The following USP8 variants were observed in gnomAD, a reference collection of about 807,000 sequenced individuals.
The protein encoded by USP8 is ubiquitin carboxyl-terminal hydrolase 8.
Under a neutral mutation model 130.0 loss-of-function variants are expected in USP8, and 27 were observed. That is an observed-to-expected ratio of 0.21 (90% CI 0.15 to 0.29). The LOEUF is 0.29. Ranked by LOEUF, USP8 falls within the 10% of genes least tolerant of loss-of-function variation. The probability of loss-of-function intolerance (pLI) is 1.00; values close to 1 mark genes in which losing one functional copy is unlikely to be tolerated. For synonymous variants in USP8, 392 were observed against 444.1 expected (o/e 0.88, Z 1.48); for missense variants, 1,029 against 1,312.2 (o/e 0.78, Z 3.33).
At chr15:50,424,756 G>A (rs2049646974) in intron 1 of USP8, 1 of 354,844 alleles carries the variant, frequency 2.8e-6, no homozygotes, top group Admixed American at 4.7e-5. Context: ...GTTTTAAAAG[G>A]TGGCTTTGAC....
rs756442147 is a variant in USP8, at chr15:50,476,896, A to T, written c.897A>T (p.Gly299=). 1 of 1,603,552 alleles carries T rather than the reference A, an allele frequency of 6.2e-7. No homozygotes were observed. Among genetic ancestry groups the T allele is most frequent in the Non-Finnish European group, 8.5e-7 (1 of 1,178,290 alleles). Residue 299 remains glycine, a synonymous_variant, in exon 9 of 20, where the codon GGA becomes GGT. Transcript: ENST00000307179. ...GCAATGAGCCTTTGGTTTTAGAGGG[A>T]GGCTATGAAAACTGGCTCCTTTGTT... ...VLRNEPLVLE[G]GYENWLLCYP...
intron 1 of USP8, among the ~76,000 whole-genome samples, chr15:50,424,839 T>C (rs1010178332): frequency 4.0e-5 from 6 of 150,688 alleles, no homozygotes; most frequent in South Asian, 2.1e-4. Context: ...TTTTTTTTTT[T>C]CTGCAATCTG....
chr15:50,455,322 C>G (rs1379606633), intron 4 of USP8, among the ~76,000 whole-genome samples: 1 of 151,386 alleles, frequency 6.6e-6, no homozygotes, highest in East Asian at 2.0e-4. Flanking sequence ...AAGCAGTCCT[C>G]CTACCAGGGC....
At chr15:50,438,630 G>T in intron 1 of USP8, among the ~76,000 whole-genome samples, 1 of 151,894 alleles carries the variant, frequency 6.6e-6, no homozygotes. Flanking sequence ...AAAAATAAAT[G>T]GATATCAATG....
At position 50,482,148 on chromosome 15, in the gene USP8, A is replaced by G. The variant is rs983783019; in HGVS notation, c.1803+83A>G. On this transcript the variant is annotated intron_variant, in intron 11 of 19. Coordinates refer to ENST00000307179, the MANE Select transcript of USP8 (RefSeq NM_005154.5). ...GAAAACACCAGTGGCATTCCATAAA[A>G]GGGCAGGCATTTCAAATAGTCTTTT... is the stretch of plus-strand genomic sequence containing the variant. The G allele has an allele frequency of 7.8e-6, 10 of 1,281,874 alleles. No homozygotes were observed. The African/African-American group carries it at 1.5e-4, about 20-fold the overall frequency. 79.4% of individuals were successfully genotyped at this position (1,281,874 alleles called of 1,614,324 possible). A position where few individuals can be genotyped will look rare whatever the true frequency, so the allele number is the denominator to read the frequency against.
chr15:50,467,646 C>T (rs1438631555), intron 7 of USP8, among the ~76,000 whole-genome samples: 3 of 152,036 alleles, frequency 2.0e-5, no homozygotes, highest in African/African-American at 7.2e-5. Flanking sequence ...GCCTTGACCT[C>T]CTGGGTTTAG....
chr15:50,450,357 G>T lies in USP8; in HGVS notation c.335+872G>T, dbSNP rs533129229. On this transcript the variant is annotated intron_variant, in intron 4 of 19. Coordinates refer to ENST00000307179, the MANE Select transcript of USP8 (RefSeq NM_005154.5). ...TTAGTTACAGAAGTTATTTAAATTT[G>T]GAAAAAAAAACTGATTCTGGTATTT... is the stretch of plus-strand genomic sequence containing the variant. Among the ~76,000 whole-genome samples, 16 of 149,994 alleles carry T rather than the reference G, an allele frequency of 1.1e-4. 1 individual carries two copies. The Middle Eastern group carries it at 0.014, about 131-fold the overall frequency.
intron 12 of USP8, among the ~76,000 whole-genome samples, chr15:50,487,211 G>A (rs190917816): frequency 2.0e-5 from 3 of 151,570 alleles, no homozygotes; most frequent in Admixed American, 1.3e-4. Flanking sequence ...AAAAAAACAC[G>A]TTTTATTAAA....
chr15:50,443,271 C>T (rs967240685), intron 3 of USP8, among the ~76,000 whole-genome samples: 1 of 152,028 alleles, frequency 6.6e-6, no homozygotes, highest in African/African-American at 2.4e-5. Flanking sequence ...GAACTCCTGA[C>T]CTTGTGATCC....
At chr15:50,462,412 T>G (rs1217294090) in intron 6 of USP8, 90 bp downstream of exon 6, 1 of 1,153,304 alleles carries the variant, frequency 8.7e-7, no homozygotes, top group African/African-American at 1.6e-5. Context: ...AATGAGATTC[T>G]TAGCATTGTT....
At position 50,505,843 on chromosome 15, in the gene USP8, G is replaced by A. The variant is rs1438237722; in HGVS notation, c.*6755G>A. The A allele has an allele frequency of 6.6e-6, 1 of 152,324 alleles. No individual in the cohort carries two copies. Among genetic ancestry groups the A allele is most frequent in the Non-Finnish European group, 1.5e-5 (1 of 68,158 alleles). 9.4% of individuals were successfully genotyped at this position (152,324 alleles called of 1,614,324 possible). A position where few individuals can be genotyped will look rare whatever the true frequency, so the allele number is the denominator to read the frequency against. ...GCACAGTAGCATGCCTGTAGTCCCA[G>A]CTACTTGGCAGGCAGAGGCAGGAGG... On this transcript the variant is annotated 3_prime_UTR_variant, in exon 20 of 20. Coordinates refer to ENST00000307179, the MANE Select transcript of USP8 (RefSeq NM_005154.5).
intron 1 of USP8, among the ~76,000 whole-genome samples, chr15:50,437,768 T>C (rs1467426625): frequency 1.3e-5 from 2 of 152,264 alleles, no homozygotes; most frequent in East Asian, 3.8e-4. Flanking sequence ...TAGAAGGACA[T>C]ATTTGATATC....
At chr15:50,445,802 A>G (rs913413865) in intron 3 of USP8, among the ~76,000 whole-genome samples, 37 of 151,282 alleles carry the variant, frequency 2.4e-4, no homozygotes, top group African/African-American at 8.5e-4. Context: ...GGTTGCAGTG[A>G]GCTGAGATTG....
At chr15:50,479,666 A>G (rs911910162) in intron 10 of USP8, among the ~76,000 whole-genome samples, 1 of 152,128 alleles carries the variant, frequency 6.6e-6, no homozygotes, top group African/African-American at 2.4e-5. Flanking sequence ...TCTCAAATAC[A>G]TGCAAAAAAA....
rs1487081071 is a variant in USP8 at position 50,495,864 on chromosome 15, G to C, written c.2675G>C (p.Arg892Thr). 6.2e-7 allele frequency: 1 copy of C among 1,613,110 alleles called. No individual in the cohort carries two copies. The highest frequency in any genetic ancestry group is 8.5e-7 in the Non-Finnish European group (1 of 1,179,380). The change falls in exon 17 of 20, where the codon AGA (arginine) becomes ACA (threonine). Residue 892 changes from arginine (R) to threonine (T), a missense_variant. Around this residue, in one of 4 missense-constraint regions of USP8, gnomAD observed 257 missense variants for 429.8 expected, o/e 0.60. Transcript: ENST00000307179. The stretch of plus-strand genomic sequence containing the variant: ...TATTTCCAGGCTGATAATCGGAAGA[G>C]ATATAAAGAAGAAAATAATGATCAT... ...EDLNKADNRK[R>T]YKEENNDHLD...
rs141886945 is a variant in USP8 at position 50,439,109 on chromosome 15, C to T, written c.36C>T (p.Tyr12=). The change falls in exon 2 of 20, where the codon TAC becomes TAT. Residue 12 remains tyrosine (Y), a synonymous_variant. Coordinates refer to ENST00000307179, the MANE Select transcript of USP8 (RefSeq NM_005154.5). ...PAVASVPKEL[Y]LSSSLKDLNK... is the part of the protein sequence containing the mutation. ...TGGCTTCAGTTCCTAAAGAACTCTA[C>T]CTCAGTTCTTCACTAAAAGACCTTA... 26 of 1,599,154 alleles carry T rather than the reference C, an allele frequency of 1.6e-5. No individual in the cohort carries two copies. Among genetic ancestry groups the T allele is most frequent in the Non-Finnish European group, 2.1e-5 (25 of 1,175,956 alleles).
In USP8 at chr15:50,505,769, G is replaced by C. The variant is rs917252931; in HGVS notation, c.*6681G>C. The C allele has an allele frequency of 6.6e-6, 1 of 152,314 alleles. No homozygotes were observed. Among genetic ancestry groups the C allele is most frequent in the African/African-American group, 2.4e-5 (1 of 41,430 alleles). The allele number at this position is 152,314 out of a possible 1,614,324, so 9.4% of individuals were successfully genotyped here. A position where few individuals can be genotyped will look rare whatever the true frequency, so the allele number is the denominator to read the frequency against. On this transcript the variant is annotated 3_prime_UTR_variant, in exon 20 of 20. Transcript: ENST00000307179. ...AGCCCAGGAGTTTGAGACCAGCCTG[G>C]GCAACATAGTGAGACCTGGTCTCTA...
Position 50,490,359 on chromosome 15 carries a change from C to T in USP8, c.2068C>T (p.Pro690Ser). 6.2e-7 allele frequency: 1 copy of T among 1,614,000 alleles called. No homozygotes were observed. The highest frequency in any genetic ancestry group is 8.5e-7 in the Non-Finnish European group (1 of 1,180,006). The change falls in exon 14 of 20, where the codon CCT becomes TCT. Residue 690 changes from proline (P) to serine (S), a missense_variant. This residue lies in a region of USP8 where 486 missense variants were observed against 522.0 expected (regional missense o/e 0.93). Transcript: ENST00000307179. ...GGAAATGGCTCCTTCATCTGCACCT[C>T]CTTCCACCCCTCCAACTCATAAAGC... Reference protein sequence around the residue: ...PPEMAPSSAPPSTPPTHKAKP... With the variant: ...PPEMAPSSAPSSTPPTHKAKP...
At chr15:50,425,803 T>C (rs565596332) in intron 1 of USP8, among the ~76,000 whole-genome samples, 4 of 152,300 alleles carry the variant, frequency 2.6e-5, no homozygotes, top group African/African-American at 9.6e-5. Flanking sequence ...TTACTTGGAC[T>C]TTAATCTTTA....
Sources: allele counts gnomAD v4.1 joint callset (sites outside exome capture counted in the v4.1 genomes callset), GRCh38; gene constraint gnomAD v4.1.1; regional missense constraint gnomAD v4.1.1; transcripts MANE v1.5; gene names NCBI Gene and HGNC (gene_info 2026-07-23, HGNC 2026-07-21).